The following AFG2A variants were observed in gnomAD, a reference collection of about 807,000 sequenced individuals.
AFG2A encodes AAA ATPase AFG2A, also known as ATPase family gene 2 protein homolog A.
the AFG2A span, among the ~76,000 whole-genome samples, chr4:123,087,449 G>GA: frequency 6.6e-6 from 1 of 152,138 alleles, no homozygotes; most frequent in African/African-American, 2.4e-5. Context: ...TAAGCTCTGG[G>GA]AAAAAATATT....
chr4:123,130,794 T>A, the AFG2A span, among the ~76,000 whole-genome samples: 1 of 152,204 alleles, frequency 6.6e-6, no homozygotes, highest in Non-Finnish European at 1.5e-5. Context: ...TACTGAATCA[T>A]AGGGTAATTA....
At chr4:123,113,547 A>T in the AFG2A span, among the ~76,000 whole-genome samples, 1 of 152,206 alleles carries the variant, frequency 6.6e-6, no homozygotes, top group African/African-American at 2.4e-5. Flanking sequence ...TCACCAAATC[A>T]ACCTTTAGCA....
the AFG2A span, among the ~76,000 whole-genome samples, chr4:123,301,339 CAAAAT>C: frequency 6.6e-6 from 1 of 151,862 alleles, no homozygotes. Flanking sequence ...GAAATTAAAA[CAAAAT>C]AATATAATGT....
At chr4:122,946,004 C>A in the AFG2A span, among the ~76,000 whole-genome samples, 1 of 151,956 alleles carries the variant, frequency 6.6e-6, no homozygotes, top group Non-Finnish European at 1.5e-5. Flanking sequence ...CAGGTTGATT[C>A]TCAGGTTATA....
the AFG2A span, among the ~76,000 whole-genome samples, chr4:123,133,142 T>C: frequency 2.0e-5 from 3 of 152,126 alleles, no homozygotes; most frequent in Non-Finnish European, 2.9e-5. Flanking sequence ...TCTCCGAAGA[T>C]AATGGGTTTG....
chr4:123,314,273 T>G, the AFG2A span: 9 of 362,822 alleles, frequency 2.5e-5, no homozygotes, highest in Non-Finnish European at 3.9e-5. Flanking sequence ...CAGTTTTACC[T>G]GGAAATTTGT....
At chr4:123,217,090 G>T in the AFG2A span, among the ~76,000 whole-genome samples, 1 of 152,104 alleles carries the variant, frequency 6.6e-6, no homozygotes, top group Non-Finnish European at 1.5e-5. Context: ...CAAACCAAAT[G>T]TACATAGCCT....
chr4:123,294,208 T>G, the AFG2A span, among the ~76,000 whole-genome samples: 1 of 152,170 alleles, frequency 6.6e-6, no homozygotes, highest in African/African-American at 2.4e-5. Context: ...AAGCACCAGC[T>G]CTGATGAGGG....
At chr4:123,312,207 T>C in the AFG2A span, among the ~76,000 whole-genome samples, 1 of 152,248 alleles carries the variant, frequency 6.6e-6, no homozygotes, top group East Asian at 1.9e-4. Flanking sequence ...TCCACTCACA[T>C]AGTAGGTGCT....
At chr4:122,956,275 A>G in the AFG2A span, among the ~76,000 whole-genome samples, 1 of 152,224 alleles carries the variant, frequency 6.6e-6, no homozygotes, top group African/African-American at 2.4e-5. Context: ...GGAGTTCTAC[A>G]GTGAGAAAGT....
the AFG2A span, among the ~76,000 whole-genome samples, chr4:122,951,484 G>A: frequency 0.012 from 1,737 of 150,600 alleles, 48 homozygotes; most frequent in South Asian, 0.11. Flanking sequence ...GTAATCAGAT[G>A]CATTGTTGGC....
the AFG2A span, among the ~76,000 whole-genome samples, chr4:123,246,486 G>T: frequency 0.022 from 3,297 of 152,108 alleles, 114 homozygotes; most frequent in African/African-American, 0.075. Context: ...AAACTCCTTG[G>T]CATTACATAC....
the AFG2A span, among the ~76,000 whole-genome samples, chr4:123,230,838 A>G: frequency 2.0e-5 from 3 of 151,962 alleles, no homozygotes; most frequent in Admixed American, 2.0e-4. Context: ...ACTAATCTAC[A>G]TCTCCATCAG....
At chr4:123,293,509 T>G in the AFG2A span, among the ~76,000 whole-genome samples, 1 of 152,182 alleles carries the variant, frequency 6.6e-6, no homozygotes, top group Non-Finnish European at 1.5e-5. Flanking sequence ...TCTCTAGGTA[T>G]AGCCACCCTG....
At chr4:123,307,703 CATA>C in the AFG2A span, among the ~76,000 whole-genome samples, 1 of 152,188 alleles carries the variant, frequency 6.6e-6, no homozygotes, top group Non-Finnish European at 1.5e-5. Context: ...TCATGCACCA[CATA>C]ATAACATTTC....
the AFG2A span, among the ~76,000 whole-genome samples, chr4:123,292,514 A>G: frequency 6.6e-6 from 1 of 152,018 alleles, no homozygotes; most frequent in Non-Finnish European, 1.5e-5. Context: ...CTATTTTTGA[A>G]TTTATTTTTT....
chr4:123,179,330 C>T, the AFG2A span, among the ~76,000 whole-genome samples: 2,307 of 139,272 alleles, frequency 0.017, 56 homozygotes, highest in African/African-American at 0.07. Flanking sequence ...TACTTACTTA[C>T]TTACTTACTT....
chr4:123,226,423 G>T, the AFG2A span, among the ~76,000 whole-genome samples: 14 of 151,278 alleles, frequency 9.3e-5, no homozygotes, highest in Admixed American at 6.6e-5. Context: ...TAGCATGAAG[G>T]GTTGTTGAAT....
chr4:122,992,406 A>T, the AFG2A span, among the ~76,000 whole-genome samples: 1 of 152,242 alleles, frequency 6.6e-6, no homozygotes, highest in African/African-American at 2.4e-5. Context: ...GCTTCAGATA[A>T]TAAAAATTTT....
Sources: allele counts gnomAD v4.1 joint callset (sites outside exome capture counted in the v4.1 genomes callset), GRCh38; gene constraint gnomAD v4.1.1; transcripts MANE v1.5; gene names NCBI Gene and HGNC (gene_info 2026-07-23, HGNC 2026-07-21).